Variants in IL7 observed in about 807,000 individuals in gnomAD.
IL7 encodes the protein interleukin-7.
In IL7, 3 loss-of-function variants were observed where a neutral mutation model predicts 21.6. That is an observed-to-expected ratio of 0.14 (90% CI 0.06 to 0.36). The LOEUF is 0.36. IL7 is among the 10% of genes least tolerant of loss of function. The pLI, the probability that IL7 is intolerant of heterozygous loss-of-function variation, is 1.00. For synonymous variants in IL7, 62 were observed against 68.1 expected (o/e 0.91, Z 0.44); for missense variants, 175 against 200.2 (o/e 0.87, Z 0.76).
chr8:78,761,844 G>A (rs1422211726), intron 2 of IL7: 45 of 1,611,870 alleles, frequency 2.8e-5, no homozygotes, highest in Non-Finnish European at 3.6e-5. Context: ...GGAGTAAAGA[G>A]ACCTTCTGGG....
intron 2 of IL7, among the ~76,000 whole-genome samples, chr8:78,764,748 G>C (rs919338669): frequency 6.6e-6 from 1 of 152,094 alleles, no homozygotes; most frequent in African/African-American, 2.4e-5. Flanking sequence ...CATGATGTCA[G>C]TTCTTTCCAA....
chr8:78,712,063 TCAGA>T lies in IL7; in HGVS notation n.214+9281_214+9284del, dbSNP rs750526905. The T allele has an allele frequency of 7.0e-6, 9 of 1,289,572 alleles. No homozygotes were observed. In the African/African-American group the frequency reaches 1.2e-4, roughly 17 times the overall value. The allele number at this position is 1,289,572 out of a possible 1,614,324, so 79.9% of individuals were successfully genotyped here. A position where few individuals can be genotyped will look rare whatever the true frequency, so the allele number is the denominator to read the frequency against. ...AAGGTTGTATGACAGTGATACAAAA[TCAGA>T]CAGTGCCATCAAAAGACATGAGTTA... On this transcript the variant is annotated intron_variant and non_coding_transcript_variant, in intron 3 of 4. Transcript: ENST00000523959.
At chr8:78,751,075 CTG>C (rs1682482203) in intron 2 of IL7, among the ~76,000 whole-genome samples, 1 of 143,966 alleles carries the variant, frequency 6.9e-6, no homozygotes, top group Non-Finnish European at 1.5e-5. Context: ...ACTTCCAAAA[CTG>C]AGAAGCAAAA....
intron 5 of IL7, among the ~76,000 whole-genome samples, chr8:78,734,609 C>T (rs1269260593): frequency 1.3e-5 from 2 of 152,074 alleles, no homozygotes; most frequent in African/African-American, 4.8e-5. Context: ...CACAGTTGAG[C>T]CCAGACTTCA....
chr8:78,798,120 A>G lies in IL7; in HGVS notation c.99T>C (p.Asp33=), dbSNP rs377513378. Residue 33 remains aspartate (D), a synonymous_variant, in exon 2 of 6, where the codon GAT becomes GAC. Transcript: ENST00000263851. ...TTAGAACACTCTCATATTGTTTGCC[A>G]TCTTTACCTTCAATATCACAATCAG... ...ASSDCDIEGK[D]GKQYESVLMV... The G allele has an allele frequency of 5.0e-6, 8 of 1,612,160 alleles. No individual in the cohort carries two copies. Among genetic ancestry groups the G allele is most frequent in the Non-Finnish European group, 6.8e-6 (8 of 1,178,522 alleles).
intron 5 of IL7, chr8:78,719,659 A>AG (rs1323109398): frequency 6.6e-6 from 1 of 151,744 alleles, no homozygotes; most frequent in Admixed American, 6.6e-5. Context: ...AGGTTGAAAA[A>AG]GATGATTGTG....
intron 1 of IL7, among the ~76,000 whole-genome samples, chr8:78,802,287 G>A (rs1011871452): frequency 1.3e-5 from 2 of 152,132 alleles, no homozygotes; most frequent in African/African-American, 4.8e-5. Flanking sequence ...AATGTCCATT[G>A]CATAGACCTA....
chr8:78,703,748 T>C (rs1810681764), intron 3 of IL7, among the ~76,000 whole-genome samples: 1 of 152,192 alleles, frequency 6.6e-6, no homozygotes, highest in Non-Finnish European at 1.5e-5. Flanking sequence ...TGCCACTCTG[T>C]GTCTTTTAAT....
intron 2 of IL7, among the ~76,000 whole-genome samples, chr8:78,777,667 C>T (rs1360123811): frequency 6.6e-6 from 1 of 151,994 alleles, no homozygotes; most frequent in Non-Finnish European, 1.5e-5. Context: ...TCACATACTC[C>T]CAAACTTTCA....
intron 2 of IL7, among the ~76,000 whole-genome samples, chr8:78,763,639 C>G (rs1281894186): frequency 6.6e-6 from 1 of 152,030 alleles, no homozygotes; most frequent in Non-Finnish European, 1.5e-5. Context: ...GAAATAGAAA[C>G]TCTGAATAGG....
In IL7 at chr8:78,764,751, C is replaced by A. The variant is rs193114051; in HGVS notation, c.148-24669G>T. On this transcript the variant is annotated intron_variant, in intron 2 of 5. Transcript: ENST00000263851. Reference sequence around the variant, plus strand: ...ACTCAATATTGTCATGATGTCAGTTCTTTCCAAATGAATGGACAGACTCAA... The same window carrying A: ...ACTCAATATTGTCATGATGTCAGTTATTTCCAAATGAATGGACAGACTCAA... Among the ~76,000 whole-genome samples the A allele has an allele frequency of 3.2e-3, 481 of 152,180 alleles. 1 individual carries two copies. Among genetic ancestry groups the A allele is most frequent in the Non-Finnish European group, 5.0e-3 (343 of 67,966 alleles).
chr8:78,726,836 A>C (rs1048250233), intron 3 of IL7, among the ~76,000 whole-genome samples: 2 of 152,054 alleles, frequency 1.3e-5, no homozygotes, highest in Non-Finnish European at 2.9e-5. Context: ...TGTCTTGTTT[A>C]GGATGCAAAG....
chr8:78,714,759 T>G (rs560813749), downstream of IL7, among the ~76,000 whole-genome samples: 3 of 152,320 alleles, frequency 2.0e-5, no homozygotes, highest in South Asian at 6.2e-4. Flanking sequence ...TTGCTGCTTT[T>G]TAGAACTTTC....
intron 2 of IL7, among the ~76,000 whole-genome samples, chr8:78,791,792 T>G (rs1813703619): frequency 6.6e-6 from 1 of 152,158 alleles, no homozygotes; most frequent in Non-Finnish European, 1.5e-5. Flanking sequence ...CTCTACAGTC[T>G]GTCATTACTT....
chr8:78,676,932 A>G (rs1006757139), intron 4 of IL7, among the ~76,000 whole-genome samples: 4 of 152,068 alleles, frequency 2.6e-5, no homozygotes, highest in Non-Finnish European at 2.9e-5. Flanking sequence ...CTTGACATAT[A>G]TAACTTAATA....
chr8:78,748,588 A>G (rs1235522025), intron 2 of IL7, among the ~76,000 whole-genome samples: 1 of 152,182 alleles, frequency 6.6e-6, no homozygotes, highest in Non-Finnish European at 1.5e-5. Context: ...GGTTACCATC[A>G]GTATTGTGTT....
chr8:78,749,666 G>A (rs1269123639), intron 2 of IL7, among the ~76,000 whole-genome samples: 2 of 152,204 alleles, frequency 1.3e-5, no homozygotes, highest in Non-Finnish European at 2.9e-5. Flanking sequence ...AGTCATAGTT[G>A]TGGGGGCTAT....
intron 2 of IL7, among the ~76,000 whole-genome samples, chr8:78,795,316 G>A (rs1172752557): frequency 1.3e-5 from 2 of 152,042 alleles, no homozygotes; most frequent in African/African-American, 2.4e-5. Flanking sequence ...ATAATTCATT[G>A]AGACTTTCTT....
At chr8:78,697,267 C>CATCACCAT in intron 3 of IL7, 1 of 634,196 alleles carries the variant, frequency 1.6e-6, no homozygotes, top group South Asian at 2.3e-5. Flanking sequence ...GTGCAACCAT[C>CATCACCAT]ATCACCATTC....
Sources: allele counts gnomAD v4.1 joint callset (sites outside exome capture counted in the v4.1 genomes callset), GRCh38; gene constraint gnomAD v4.1.1; transcripts MANE v1.5; gene names NCBI Gene and HGNC (gene_info 2026-07-23, HGNC 2026-07-21).